Variants in ADAMTS15 observed in about 807,000 individuals in gnomAD.
ADAMTS15 encodes ADAM metallopeptidase with thrombospondin type 1 motif 15, also known as A disintegrin and metalloproteinase with thrombospondin motifs 15.
ADAMTS15 carries 35 observed loss-of-function variants against 79.1 expected under a neutral mutation model. The ratio of observed to expected loss-of-function variants is 0.44; its 90% CI spans 0.34 to 0.59. ADAMTS15 has a LOEUF of 0.59. ADAMTS15 is among the 20% of genes least tolerant of loss of function. The pLI, the probability that ADAMTS15 is intolerant of heterozygous loss-of-function variation, is 0.02. For synonymous variants in ADAMTS15, 616 were observed against 567.3 expected (o/e 1.09, Z -1.22); for missense variants, 1,324 against 1,318.7 (o/e 1.00, Z -0.06).
At position 130,461,636 on chromosome 11, in the gene ADAMTS15, G is replaced by A. The variant is rs879089308; in HGVS notation, c.1090+15G>A. Reference sequence around the variant, plus strand: ...CCACGAGCTGGGTAAGGCTGGATAAGCTCCTCCTGGGGTCTTCTGGGTTTG... The same window carrying A: ...CCACGAGCTGGGTAAGGCTGGATAAACTCCTCCTGGGGTCTTCTGGGTTTG... On this transcript the variant is annotated intron_variant, in intron 2 of 7. Transcript: ENST00000299164. 6.2e-6 allele frequency: 10 copies of A among 1,613,746 alleles called. 1 individual carries two copies. The South Asian group carries it at 8.8e-5, about 14-fold the overall frequency.
intron 1 of ADAMTS15, among the ~76,000 whole-genome samples, chr11:130,456,352 T>G (rs1938080113): frequency 6.6e-6 from 1 of 152,172 alleles, no homozygotes; most frequent in African/African-American, 2.4e-5. Flanking sequence ...TAATTATTAT[T>G]GTTTTGGTGA....
chr11:130,472,297 G>C lies in ADAMTS15; in HGVS notation c.2079-750G>C, dbSNP rs1229821922. On this transcript the variant is annotated intron_variant, in intron 7 of 7. Coordinates refer to ENST00000299164, the MANE Select transcript of ADAMTS15 (RefSeq NM_139055.4). This position sits in a 1 kb window ranked among gnomAD's most constrained non-coding sequence, Gnocchi z 4.7. Reference sequence around the variant, plus strand: ...GAGCCCCTGGGTGGTGATGCGAAGGGAGGATGCCCAGCCCTGTCTCTGGGA... The same window carrying C: ...GAGCCCCTGGGTGGTGATGCGAAGGCAGGATGCCCAGCCCTGTCTCTGGGA... Among the ~76,000 whole-genome samples, 1 of 152,176 alleles carries C rather than the reference G, an allele frequency of 6.6e-6. No homozygotes were observed. The highest frequency in any genetic ancestry group is 2.4e-5 in the African/African-American group (1 of 41,450).
In ADAMTS15 at chr11:130,474,015, C is replaced by T; in HGVS notation, c.*194C>T. ...GACTGGGCAGAGGGAAGCCCAGGAA[C>T]TCCCGCACAGTCTACCTCAGGCCCC... On this transcript the variant is annotated 3_prime_UTR_variant, in exon 8 of 8. Coordinates refer to ENST00000299164, the MANE Select transcript of ADAMTS15 (RefSeq NM_139055.4). 2 of 771,452 alleles carry T rather than the reference C, an allele frequency of 2.6e-6. No homozygotes were observed. The highest frequency in any genetic ancestry group is 4.0e-6 in the Non-Finnish European group (2 of 499,416). The allele number at this position is 771,452 out of a possible 1,614,324, so 47.8% of individuals were successfully genotyped here. A position where few individuals can be genotyped will look rare whatever the true frequency, so the allele number is the denominator to read the frequency against.
Position 130,473,476 on chromosome 11 carries a change from C to G in ADAMTS15, c.2508C>G (p.Asp836Glu). The G allele has an allele frequency of 1.4e-5, 23 of 1,611,886 alleles. No individual in the cohort carries two copies. The highest frequency in any genetic ancestry group is 2.0e-5 in the Non-Finnish European group (23 of 1,179,366). The change falls in exon 8 of 8, where the codon GAC (aspartate) becomes GAG (glutamate). Residue 836 changes from aspartate to glutamate, a missense_variant. By Grantham distance (45) the Asp-to-Glu change is conservative. Transcript: ENST00000299164. ...TCTCCAACCAGGTGGAGCAGCCGGA[C>G]GACAGGCCCCCTGCACGCTGGGTGG... is the stretch of plus-strand genomic sequence containing the variant. ...LSLSNQVEQP[D>E]DRPPARWVAG...
At chr11:130,455,282 A>G (rs1343669295) in intron 1 of ADAMTS15, among the ~76,000 whole-genome samples, 3 of 152,190 alleles carry the variant, frequency 2.0e-5, no homozygotes, top group Non-Finnish European at 4.4e-5. Flanking sequence ...ATAATTAGCT[A>G]TGGATCCCTT....
intron 1 of ADAMTS15, chr11:130,450,263 T>C: frequency 6.1e-6 from 6 of 985,434 alleles, no homozygotes; most frequent in Non-Finnish European, 7.2e-6. Flanking sequence ...CCAAGACCGA[T>C]AGGAGACGCC....
chr11:130,464,489 G>A (rs2134729905), intron 4 of ADAMTS15, among the ~76,000 whole-genome samples: 1 of 152,222 alleles, frequency 6.6e-6, no homozygotes, highest in Middle Eastern at 3.4e-3. Flanking sequence ...TGACCACCAA[G>A]GCCCTGTCTT....
At chr11:130,468,069 C>T (rs901966254) in intron 4 of ADAMTS15, among the ~76,000 whole-genome samples, 2 of 152,180 alleles carry the variant, frequency 1.3e-5, no homozygotes, top group East Asian at 1.9e-4. Flanking sequence ...CCTGTGAATG[C>T]ACTAACAACA....
chr11:130,449,561 G>T lies in ADAMTS15; in HGVS notation c.588G>T (p.Ala196=), dbSNP rs1295428759. The change falls in exon 1 of 8, where the codon GCG becomes GCT. Residue 196 remains alanine, a synonymous_variant. Coordinates refer to ENST00000299164, the MANE Select transcript of ADAMTS15 (RefSeq NM_139055.4). This position sits in a 1 kb window ranked among gnomAD's most constrained non-coding sequence, Gnocchi z 7.8. The part of the protein sequence containing the change: ...RALDPYKPRR[A]GFGESRSRRR... The stretch of plus-strand genomic sequence containing the variant: ...TGGACCCTTACAAGCCGCGGCGGGC[G>T]GGCTTCGGGGAGAGTCGTAGCCGGC... The T allele has an allele frequency of 6.3e-7, 1 of 1,582,830 alleles. No homozygotes were observed. Among genetic ancestry groups the T allele is most frequent in the Admixed American group, 1.7e-5 (1 of 58,160 alleles).
chr11:130,474,014 A>T lies in ADAMTS15; in HGVS notation c.*193A>T. ...GGACTGGGCAGAGGGAAGCCCAGGA[A>T]CTCCCGCACAGTCTACCTCAGGCCC... On this transcript the variant is annotated 3_prime_UTR_variant, in exon 8 of 8. Coordinates refer to ENST00000299164, the MANE Select transcript of ADAMTS15 (RefSeq NM_139055.4). 2.6e-6 allele frequency: 2 copies of T among 765,090 alleles called. No homozygotes were observed. Among genetic ancestry groups the T allele is most frequent in the Non-Finnish European group, 4.0e-6 (2 of 495,634 alleles). 47.4% of individuals were successfully genotyped at this position (765,090 alleles called of 1,614,324 possible).
At chr11:130,470,166 A>ATATATGTGTGTG (rs1565397707) in intron 5 of ADAMTS15, among the ~76,000 whole-genome samples, 1 of 57,584 alleles carries the variant, frequency 1.7e-5, no homozygotes, top group East Asian at 3.5e-4. Context: ...ATATATATAT[A>ATATATGTGTGTG]TATATATATA....
intron 1 of ADAMTS15, among the ~76,000 whole-genome samples, chr11:130,454,227 C>T (rs145594661): frequency 3.9e-5 from 6 of 152,276 alleles, no homozygotes; most frequent in African/African-American, 1.4e-4. Flanking sequence ...CTTTTGGGAC[C>T]ATCCAGGCAG....
chr11:130,449,097 T>G lies in ADAMTS15; in HGVS notation c.124T>G (p.Trp42Gly). 6.3e-7 allele frequency: 1 copy of G among 1,581,820 alleles called. No individual in the cohort carries two copies. Among genetic ancestry groups the G allele is most frequent in the Non-Finnish European group, 8.6e-7 (1 of 1,159,306 alleles). ...GGACATTAACGGCCGCCGCTACTACTGGCGGGGTCCCGAGGACTCCGGGGA... is the reference window on the plus strand; with the variant it reads ...GGACATTAACGGCCGCCGCTACTACGGGCGGGGTCCCGAGGACTCCGGGGA... Reference protein sequence around the residue: ...DPDINGRRYYWRGPEDSGDQG... With the variant: ...DPDINGRRYYGRGPEDSGDQG... Residue 42 changes from tryptophan to glycine, a missense_variant, in exon 1 of 8, where the codon TGG becomes GGG. Physicochemically the swap from Trp to Gly is radical, Grantham distance 184 (BLOSUM62 -2). Transcript: ENST00000299164. This position sits in a 1 kb window ranked among gnomAD's most constrained non-coding sequence, Gnocchi z 7.8.
In ADAMTS15 at chr11:130,449,839, T is replaced by A; in HGVS notation, c.866T>A (p.Leu289Gln). The A allele has an allele frequency of 6.2e-7, 1 of 1,608,700 alleles. No individual in the cohort carries two copies. The change falls in exon 1 of 8, where the codon CTG (leucine) becomes CAG (glutamine). Residue 289 changes from leucine to glutamine, a missense_variant. Leu to Gln is a moderately radical substitution (Grantham distance 113). Transcript: ENST00000299164. This position sits in a 1 kb window ranked among gnomAD's most constrained non-coding sequence, Gnocchi z 7.8. The stretch of plus-strand genomic sequence containing the variant: ...GTCACCGGCAATGCGGCCCTGACGC[T>A]GCGCAACTTCTGTGCCTGGCAGAAG... Reference protein sequence around the residue: ...PKVTGNAALTLRNFCAWQKKL... With the variant: ...PKVTGNAALTQRNFCAWQKKL...
intron 4 of ADAMTS15, among the ~76,000 whole-genome samples, chr11:130,467,808 C>T (rs1175505751): frequency 6.8e-6 from 1 of 147,752 alleles, no homozygotes; most frequent in Non-Finnish European, 1.5e-5. Context: ...TCCTCCAAAA[C>T]ACTGCACAAT....
Position 130,449,109 on chromosome 11 carries a change from G to A in ADAMTS15, c.136G>A (p.Glu46Lys), listed in dbSNP as rs767814936. Residue 46 changes from glutamate (E) to lysine (K), a missense_variant, in exon 1 of 8, where the codon GAG (glutamate) becomes AAG (lysine). Transcript: ENST00000299164. This position sits in a 1 kb window ranked among gnomAD's most constrained non-coding sequence, Gnocchi z 7.8. ...NGRRYYWRGP[E>K]DSGDQGLIFQ... ...CCGCCGCTACTACTGGCGGGGTCCC[G>A]AGGACTCCGGGGATCAGGGACTCAT... 2.2e-5 allele frequency: 35 copies of A among 1,583,706 alleles called. No individual in the cohort carries two copies. Among genetic ancestry groups the A allele is most frequent in the Middle Eastern group, 1.7e-4 (1 of 5,972 alleles).
intron 4 of ADAMTS15, among the ~76,000 whole-genome samples, chr11:130,466,165 G>A (rs1938296319): frequency 1.3e-5 from 2 of 152,162 alleles, no homozygotes; most frequent in African/African-American, 4.8e-5. Flanking sequence ...GAGCCACCGC[G>A]CCCGGCCTGT....
rs1565400498 is a variant in ADAMTS15 at position 130,474,233 on chromosome 11, C to T, written c.*412C>T. The T allele has an allele frequency of 5.3e-6, 1 of 189,028 alleles. No homozygotes were observed. Among genetic ancestry groups the T allele is most frequent in the African/African-American group, 2.3e-5 (1 of 42,786 alleles). 11.7% of individuals were successfully genotyped at this position (189,028 alleles called of 1,614,324 possible). A position where few individuals can be genotyped will look rare whatever the true frequency, so the allele number is the denominator to read the frequency against. On this transcript the variant is annotated 3_prime_UTR_variant, in exon 8 of 8. Coordinates refer to ENST00000299164, the MANE Select transcript of ADAMTS15 (RefSeq NM_139055.4). ...TGGCACCCTCAGGTGGCCCCATGGG[C>T]TCTGAGCCGTGTCTGAACGAGGCAG...
intron 4 of ADAMTS15, among the ~76,000 whole-genome samples, chr11:130,466,648 C>T (rs1938305444): frequency 6.6e-6 from 1 of 152,226 alleles, no homozygotes; most frequent in South Asian, 2.1e-4. Flanking sequence ...CAACTGGTCT[C>T]CCTGCTTCTG....
Sources: gnomAD v4.1 joint callset for allele counts (sites outside exome capture counted in the v4.1 genomes callset) on GRCh38, gnomAD v4.1.1 for gene constraint, Gnocchi (gnomAD v3.1) non-coding constraint, MANE v1.5 for transcripts, NCBI Gene and HGNC (gene_info 2026-07-23, HGNC 2026-07-21) for gene names.